PTPRM: variants seen among roughly 807,000 people sequenced by gnomAD.
PTPRM encodes the protein protein tyrosine phosphatase receptor type M.
In PTPRM, 47 loss-of-function variants were observed where a neutral mutation model predicts 186.7. The ratio of observed to expected loss-of-function variants is 0.25; its 90% CI spans 0.20 to 0.32. The LOEUF is 0.32. Among genes scored for constraint, PTPRM ranks in the 10% least tolerant of loss-of-function variants. The probability of loss-of-function intolerance (pLI) is 1.00; values close to 1 mark genes in which losing one functional copy is unlikely to be tolerated. For missense variants in PTPRM, 1,494 were observed against 1,865.0 expected (o/e 0.80, Z 3.66); for synonymous variants, 668 against 674.9 (o/e 0.99, Z 0.16).
intron 3 of PTPRM, among the ~76,000 whole-genome samples, chr18:7,901,038 A>G (rs1265934584): frequency 6.6e-6 from 1 of 152,116 alleles, no homozygotes; most frequent in East Asian, 1.9e-4. Flanking sequence ...TGGTATTCTC[A>G]TGTTACTCTT....
intron 24 of PTPRM, among the ~76,000 whole-genome samples, chr18:8,372,377 A>G (rs999408351): frequency 3.3e-5 from 5 of 152,018 alleles, no homozygotes; most frequent in Admixed American, 2.6e-4. Flanking sequence ...CCCGGCCTCC[A>G]CTCTATATTC....
intron 7 of PTPRM, among the ~76,000 whole-genome samples, chr18:8,021,482 C>T (rs1013449224): frequency 4.4e-5 from 6 of 135,114 alleles, no homozygotes; most frequent in African/African-American, 8.7e-5. Flanking sequence ...TTAAGCCCCG[C>T]GTGCATTAGG....
intron 2 of PTPRM, among the ~76,000 whole-genome samples, chr18:7,857,683 CTCAG>C (rs890718697): frequency 2.0e-5 from 3 of 152,130 alleles, no homozygotes; most frequent in African/African-American, 7.2e-5. Context: ...CATCCAGGGA[CTCAG>C]TCAGTTTCTT....
rs1283013952 is a variant in PTPRM, at chr18:8,296,602, G to A, written c.2842+147G>A. The A allele has an allele frequency of 1.4e-5, 8 of 588,096 alleles. No individual in the cohort carries two copies. The African/African-American group carries it at 1.5e-4, about 11-fold the overall frequency. The allele number at this position is 588,096 out of a possible 1,614,324, so 36.4% of individuals were successfully genotyped here. A position where few individuals can be genotyped will look rare whatever the true frequency, so the allele number is the denominator to read the frequency against. On this transcript the variant is annotated intron_variant, in intron 20 of 32. Coordinates refer to ENST00000580170, the MANE Select transcript of PTPRM (RefSeq NM_001105244.2). ...AGCTGGTGTTAACGCTCGTACTAAA[G>A]AAAGGAATAACTGTCTACCCCCACT...
At chr18:7,705,319 CTATCT>C (rs1157213273) in intron 1 of PTPRM, among the ~76,000 whole-genome samples, 1 of 149,340 alleles carries the variant, frequency 6.7e-6, no homozygotes, top group East Asian at 1.9e-4. Context: ...ATCTATCTAT[CTATCT>C]ATCTGTCTAT....
chr18:7,982,334 AAC>A (rs2082602557), intron 7 of PTPRM, among the ~76,000 whole-genome samples: 1 of 150,594 alleles, frequency 6.6e-6, no homozygotes, highest in Non-Finnish European at 1.5e-5. Context: ...CTAAAACACA[AAC>A]ACACATTAGC....
intron 14 of PTPRM, among the ~76,000 whole-genome samples, chr18:8,144,519 G>T (rs554962099): frequency 2.0e-5 from 3 of 152,262 alleles, no homozygotes; most frequent in Admixed American, 6.5e-5. Flanking sequence ...CTACTGGTGA[G>T]GCTGAGATGG....
chr18:7,772,887 G>T (rs1347440461), intron 1 of PTPRM, among the ~76,000 whole-genome samples: 1 of 152,038 alleles, frequency 6.6e-6, no homozygotes, highest in Non-Finnish European at 1.5e-5. Flanking sequence ...GAATTAATAT[G>T]ATTAATAGCA....
intron 32 of PTPRM, among the ~76,000 whole-genome samples, chr18:8,401,737 G>A (rs796464562): frequency 3.9e-5 from 6 of 152,362 alleles, no homozygotes; most frequent in East Asian, 1.9e-4. Flanking sequence ...AGTGCCGCCC[G>A]CTGGTGTGCT....
At chr18:8,247,559 T>C (rs2094489030) in intron 15 of PTPRM, among the ~76,000 whole-genome samples, 1 of 152,164 alleles carries the variant, frequency 6.6e-6, no homozygotes, top group South Asian at 2.1e-4. Flanking sequence ...GAAGTCAAAA[T>C]AGAAGTCTGA....
At chr18:8,100,550 C>G (rs1184544275) in intron 11 of PTPRM, among the ~76,000 whole-genome samples, 1 of 152,180 alleles carries the variant, frequency 6.6e-6, no homozygotes, top group African/African-American at 2.4e-5. Flanking sequence ...CTCCCATGAC[C>G]AAACATCTCT....
chr18:8,280,006 C>T (rs1254001374), intron 19 of PTPRM, among the ~76,000 whole-genome samples: 3 of 152,186 alleles, frequency 2.0e-5, no homozygotes, highest in Non-Finnish European at 4.4e-5. Context: ...ATCAGAATCG[C>T]TTCCATTTAA....
intron 1 of PTPRM, among the ~76,000 whole-genome samples, chr18:7,599,376 G>A (rs2037344413): frequency 6.6e-6 from 1 of 152,220 alleles, no homozygotes; most frequent in African/African-American, 2.4e-5. Flanking sequence ...ATTACACTAT[G>A]AGAGTTCATG....
intron 21 of PTPRM, 58 bp from the exon 22 acceptor site, chr18:8,319,120 C>T (rs1267878056): frequency 6.7e-6 from 8 of 1,199,946 alleles, no homozygotes; most frequent in Non-Finnish European, 9.7e-6. Flanking sequence ...TAGCATGCGA[C>T]TTATCTGCTG....
chr18:7,710,363 C>T (rs1304791888), intron 1 of PTPRM, among the ~76,000 whole-genome samples: 2 of 151,786 alleles, frequency 1.3e-5, no homozygotes, highest in African/African-American at 4.8e-5. Flanking sequence ...ATGATAAAAC[C>T]CTGCATAAAA....
intron 7 of PTPRM, among the ~76,000 whole-genome samples, chr18:8,006,402 A>G (rs937101173): frequency 1.3e-5 from 2 of 152,226 alleles, no homozygotes; most frequent in Non-Finnish European, 2.9e-5. Context: ...AATGTTTAGC[A>G]GGAAGCATTT....
At chr18:7,877,979 C>T (rs997739472) in intron 2 of PTPRM, among the ~76,000 whole-genome samples, 1 of 152,098 alleles carries the variant, frequency 6.6e-6, no homozygotes, top group Non-Finnish European at 1.5e-5. Context: ...TGATAAAATC[C>T]CCTGCTTCTT....
At chr18:7,745,171 A>C (rs560732586) in intron 1 of PTPRM, among the ~76,000 whole-genome samples, 1 of 152,330 alleles carries the variant, frequency 6.6e-6, no homozygotes, top group Admixed American at 6.5e-5. Context: ...AAATAAGATA[A>C]TGGAAATAAG....
intron 7 of PTPRM, among the ~76,000 whole-genome samples, chr18:7,997,467 G>C (rs1568157107): frequency 6.6e-6 from 1 of 152,118 alleles, no homozygotes; most frequent in Non-Finnish European, 1.5e-5. Context: ...GTACATCATT[G>C]GTCTGGGCAA....
Sources: gnomAD v4.1 joint callset for allele counts (sites outside exome capture counted in the v4.1 genomes callset) on GRCh38, gnomAD v4.1.1 for gene constraint, MANE v1.5 for transcripts, NCBI Gene and HGNC (gene_info 2026-07-23, HGNC 2026-07-21) for gene names.